The following DMD variants were observed in gnomAD, a reference collection of about 807,000 sequenced individuals.
DMD encodes the protein dystrophin.
A neutral mutation model predicts 330.1 loss-of-function variants in DMD; 63 were observed. That is an observed-to-expected ratio of 0.19 (90% CI 0.16 to 0.24). The LOEUF is 0.24. Among genes scored for constraint, DMD ranks in the 10% least tolerant of loss-of-function variants. The pLI, the probability that DMD is intolerant of heterozygous loss-of-function variation, is 1.00. For missense variants in DMD, 3,344 were observed against 2,684.1 expected, an observed-to-expected ratio of 1.25 and a Z score of -5.43; for synonymous variants, 1,223 against 959.8, an observed-to-expected ratio of 1.27 and a Z score of -5.07.
chrX:32,550,236 A>C (rs755576665), intron 16 of DMD, among the ~76,000 whole-genome samples: 1 of 112,079 alleles, frequency 8.9e-6, no homozygotes, highest in African/African-American at 3.2e-5. Context: ...AGTTGGGCAT[A>C]AAACAATCTT....
intron 16 of DMD, among the ~76,000 whole-genome samples, chrX:32,562,444 T>C (rs1394476304): frequency 8.9e-6 from 1 of 112,594 alleles, no homozygotes; most frequent in African/African-American, 3.2e-5. Context: ...GCAAGCAGTG[T>C]TCTTTATATG....
At chrX:32,279,529 G>A (rs928407469) in intron 43 of DMD, among the ~76,000 whole-genome samples, 1 of 110,816 alleles carries the variant, frequency 9.0e-6, no homozygotes, top group Non-Finnish European at 1.9e-5. Context: ...TGGAACTGGA[G>A]GTCATTGTGT....
intron 55 of DMD, among the ~76,000 whole-genome samples, chrX:31,594,814 G>A (rs2077039229): frequency 9.0e-6 from 1 of 111,017 alleles, no homozygotes; most frequent in African/African-American, 3.3e-5. Context: ...TTCTTTAATG[G>A]TTTACACATT....
intron 1 of DMD, among the ~76,000 whole-genome samples, chrX:33,227,895 T>C (rs939668121): frequency 3.6e-5 from 4 of 111,375 alleles, no homozygotes; most frequent in Non-Finnish European, 7.6e-5. Context: ...CAGAGCCTGT[T>C]AATGGAAATC....
Position 31,729,515 on chromosome X carries a change from T to A in DMD, c.7660+116A>T, listed in dbSNP as rs1205850478. The A allele has an allele frequency of 2.1e-5, 13 of 606,796 alleles. No homozygotes were observed. The East Asian group carries it at 3.9e-4, about 18-fold the overall frequency. The allele number at this position is 606,796 out of a possible 1,213,427, so 50.0% of individuals were successfully genotyped here. Reference sequence around the variant, plus strand: ...GAAAATCTCAGCACAATTGTTATCATTTACAATTATTTCACATTATTTTTA... The same window carrying A: ...GAAAATCTCAGCACAATTGTTATCAATTACAATTATTTCACATTATTTTTA... On this transcript the variant is annotated intron_variant, in intron 52 of 78. Transcript: ENST00000357033.
At chrX:31,528,262 T>G (rs2073402977) in intron 55 of DMD, among the ~76,000 whole-genome samples, 1 of 109,936 alleles carries the variant, frequency 9.1e-6, no homozygotes, top group Non-Finnish European at 1.9e-5. Context: ...TTACTATTAT[T>G]TTTCTCATCT....
intron 21 of DMD, among the ~76,000 whole-genome samples, chrX:32,478,072 CATT>C (rs1208665878): frequency 8.9e-6 from 1 of 111,751 alleles, no homozygotes; most frequent in African/African-American, 3.2e-5. Flanking sequence ...ATATGGCTCA[CATT>C]ATTTTTCTGT....
At chrX:32,462,112 T>A (rs2098385552) in intron 25 of DMD, among the ~76,000 whole-genome samples, 1 of 111,527 alleles carries the variant, frequency 9.0e-6, no homozygotes, top group African/African-American at 3.3e-5. Context: ...GGTACAGTAG[T>A]TCCCTTGTAT....
At chrX:32,031,442 G>A (rs913269352) in intron 44 of DMD, among the ~76,000 whole-genome samples, 3 of 110,580 alleles carry the variant, frequency 2.7e-5, no homozygotes, top group Admixed American at 1.9e-4. Context: ...TACCATTTGC[G>A]CTCCAGAGGA....
Position 32,783,745 on chromosome X carries a change from A to G in DMD, c.649+25748T>C, listed in dbSNP as rs185593031. On this transcript the variant is annotated intron_variant, in intron 7 of 78. Coordinates refer to ENST00000357033, the MANE Select transcript of DMD (RefSeq NM_004006.3). The stretch of plus-strand genomic sequence containing the variant: ...TGCATAGGTTATATGCAAATATGAC[A>G]TCATTTATATAAGGAACTTAAGCAT... 3.3e-3 allele frequency among the ~76,000 whole-genome samples: 371 copies of G among 111,306 alleles called. 3 individuals carry two copies. Among genetic ancestry groups the G allele is most frequent in the African/African-American group, 0.012 (360 of 30,751 alleles).
At chrX:31,809,151 ATATAAATATATATGAGTT>A (rs1365271593) in intron 50 of DMD, among the ~76,000 whole-genome samples, 122 of 62,261 alleles carry the variant, frequency 2.0e-3, no homozygotes, top group African/African-American at 7.3e-3. Context: ...ATGAGTTTAT[ATATAAATATATATGAGTT>A]TATATATATA....
At chrX:31,205,803 A>T (rs1353095326) in intron 66 of DMD, among the ~76,000 whole-genome samples, 1 of 112,515 alleles carries the variant, frequency 8.9e-6, no homozygotes, top group East Asian at 2.8e-4. Context: ...GAAGCTTAGC[A>T]CATCTCCTCA....
chrX:31,569,484 A>G (rs1479788088), intron 55 of DMD, among the ~76,000 whole-genome samples: 4 of 106,989 alleles, frequency 3.7e-5, no homozygotes, highest in Non-Finnish European at 7.8e-5. Context: ...ATGGAACGCA[A>G]TAGATTCCTG....
chrX:32,793,767 A>G (rs1225092869), intron 7 of DMD, among the ~76,000 whole-genome samples: 1 of 111,578 alleles, frequency 9.0e-6, no homozygotes, highest in Non-Finnish European at 1.9e-5. Context: ...TAATCTTAAA[A>G]AATTTCCCAA....
At chrX:31,404,303 C>G (rs1447893019) in intron 60 of DMD, among the ~76,000 whole-genome samples, 1 of 111,718 alleles carries the variant, frequency 9.0e-6, no homozygotes, top group Non-Finnish European at 1.9e-5. Flanking sequence ...TCCAGACTTT[C>G]TGTGTTTTGT....
chrX:31,601,966 C>A (rs2077388896), intron 55 of DMD, among the ~76,000 whole-genome samples: 1 of 110,899 alleles, frequency 9.0e-6, no homozygotes, highest in South Asian at 3.8e-4. Flanking sequence ...GCAAATGGAC[C>A]CAAACAGACT....
At chrX:32,004,129 C>CTT (rs2095645668) in intron 44 of DMD, among the ~76,000 whole-genome samples, 1 of 111,246 alleles carries the variant, frequency 9.0e-6, no homozygotes, top group South Asian at 3.8e-4. Flanking sequence ...AGCTAAGTAA[C>CTT]TTATTTAAGG....
intron 44 of DMD, among the ~76,000 whole-genome samples, chrX:32,133,314 C>T (rs1209366412): frequency 2.7e-5 from 3 of 110,631 alleles, no homozygotes; most frequent in African/African-American, 9.9e-5. Flanking sequence ...CTGATCATTC[C>T]TTTTCATTAT....
chrX:32,924,794 G>T (rs2088811378), intron 2 of DMD, among the ~76,000 whole-genome samples: 1 of 111,021 alleles, frequency 9.0e-6, no homozygotes, highest in South Asian at 3.7e-4. Context: ...AAATTGGCTG[G>T]GACATGAATA....
Sources: gnomAD v4.1 joint callset for allele counts (sites outside exome capture counted in the v4.1 genomes callset) on GRCh38, gnomAD v4.1.1 for gene constraint, MANE v1.5 for transcripts, NCBI Gene and HGNC (gene_info 2026-07-23, HGNC 2026-07-21) for gene names.